The following GALNTL6 variants were observed in gnomAD, a reference collection of about 807,000 sequenced individuals.
GALNTL6 encodes the protein polypeptide N-acetylgalactosaminyltransferase-like 6.
GALNTL6 carries 46 observed loss-of-function variants against 73.7 expected under a neutral mutation model. The observed-to-expected ratio is 0.62, with a 90% confidence interval of 0.49 to 0.80. GALNTL6 has a LOEUF of 0.80. Ranked by LOEUF, GALNTL6 falls within the 30% of genes least tolerant of loss-of-function variation. GALNTL6 has a pLI of 0.00. For synonymous variants in GALNTL6, 259 were observed against 263.7 expected, an observed-to-expected ratio of 0.98 and a Z score of 0.17; for missense variants, 604 against 755.0, an observed-to-expected ratio of 0.80 and a Z score of 2.34.
intron 8 of GALNTL6, among the ~76,000 whole-genome samples, chr4:172,908,323 G>T (rs1434166355): frequency 6.6e-6 from 1 of 152,094 alleles, no homozygotes; most frequent in Non-Finnish European, 1.5e-5. Flanking sequence ...ATGTGTGTTT[G>T]TATAATGGAT....
chr4:172,600,108 C>A (rs1267008509), intron 5 of GALNTL6, among the ~76,000 whole-genome samples: 1 of 151,986 alleles, frequency 6.6e-6, no homozygotes, highest in Admixed American at 6.6e-5. Flanking sequence ...GATTCGGACA[C>A]TCTTTTTTTC....
chr4:172,651,336 A>T (rs1740467728), intron 5 of GALNTL6, among the ~76,000 whole-genome samples: 1 of 152,248 alleles, frequency 6.6e-6, no homozygotes, highest in Non-Finnish European at 1.5e-5. Flanking sequence ...ACTGGTGATT[A>T]GTGCTGTGAA....
rs190894007 is a variant in GALNTL6 at position 172,939,823 on chromosome 4, C to A, written c.1149+8555C>A. 3.8e-3 allele frequency among the ~76,000 whole-genome samples: 582 copies of A among 152,254 alleles called. 2 individuals carry two copies. Among genetic ancestry groups the A allele is most frequent in the African/African-American group, 0.013 (556 of 41,538 alleles). On this transcript the variant is annotated intron_variant, in intron 9 of 12. Coordinates refer to ENST00000506823, the MANE Select transcript of GALNTL6 (RefSeq NM_001034845.3). ...AAAAATAAGGCCAAGGGAAACCATTCTGTCAGCCAAGGACCCACAGAGAAG... is the reference window on the plus strand; with the variant it reads ...AAAAATAAGGCCAAGGGAAACCATTATGTCAGCCAAGGACCCACAGAGAAG...
intron 5 of GALNTL6, among the ~76,000 whole-genome samples, chr4:172,783,272 A>G (rs1739469347): frequency 6.7e-6 from 1 of 150,244 alleles, no homozygotes; most frequent in Non-Finnish European, 1.5e-5. Context: ...TGGAAGCTTT[A>G]CTACTAAGAA....
chr4:171,966,109 C>T (rs1393256968), intron 2 of GALNTL6, among the ~76,000 whole-genome samples: 1 of 152,124 alleles, frequency 6.6e-6, no homozygotes, highest in Non-Finnish European at 1.5e-5. Flanking sequence ...TCATCTTAGA[C>T]ATAAGTTGTC....
intron 9 of GALNTL6, among the ~76,000 whole-genome samples, chr4:172,951,623 G>C (rs1213886040): frequency 6.6e-6 from 1 of 152,242 alleles, no homozygotes; most frequent in Non-Finnish European, 1.5e-5. Context: ...TTCTTTCCAA[G>C]ATTCTTGTTT....
At chr4:172,005,517 A>G (rs946398393) in intron 2 of GALNTL6, among the ~76,000 whole-genome samples, 4 of 152,190 alleles carry the variant, frequency 2.6e-5, no homozygotes, top group Non-Finnish European at 4.4e-5. Flanking sequence ...TGAACTAGTT[A>G]TCATTTACTA....
chr4:172,401,577 TTCTC>T (rs1376376321), intron 5 of GALNTL6, among the ~76,000 whole-genome samples: 1 of 152,090 alleles, frequency 6.6e-6, no homozygotes, highest in Non-Finnish European at 1.5e-5. Flanking sequence ...CATTTATAGT[TTCTC>T]TCTTTTTAAA....
intron 10 of GALNTL6, among the ~76,000 whole-genome samples, chr4:172,981,439 T>C (rs1408786644): frequency 1.3e-5 from 2 of 152,224 alleles, no homozygotes; most frequent in African/African-American, 4.8e-5. Context: ...GTGGTGTTAA[T>C]TTGCATTTCC....
At chr4:172,021,863 C>T (rs1741412917) in intron 2 of GALNTL6, among the ~76,000 whole-genome samples, 1 of 151,956 alleles carries the variant, frequency 6.6e-6, no homozygotes, top group Non-Finnish European at 1.5e-5. Flanking sequence ...ATAAATGGTC[C>T]TAGAAAAACT....
At chr4:172,351,452 G>A (rs926169559) in intron 5 of GALNTL6, among the ~76,000 whole-genome samples, 36 of 151,986 alleles carry the variant, frequency 2.4e-4, no homozygotes, top group Admixed American at 5.9e-4. Context: ...TATATGCATG[G>A]CCTTAGAAGA....
chr4:171,990,461 G>A (rs1179970766), intron 2 of GALNTL6, among the ~76,000 whole-genome samples: 2 of 152,024 alleles, frequency 1.3e-5, no homozygotes, highest in Admixed American at 1.3e-4. Context: ...GGTTTCAGAG[G>A]TGCCTTCTTA....
chr4:171,866,934 T>C (rs1193530657), intron 2 of GALNTL6, among the ~76,000 whole-genome samples: 1 of 152,206 alleles, frequency 6.6e-6, no homozygotes, highest in African/African-American at 2.4e-5. Context: ...ACACATTCAG[T>C]CCATTGTATA....
At chr4:172,843,153 AT>A (rs1025700766) in intron 7 of GALNTL6, among the ~76,000 whole-genome samples, 2 of 152,002 alleles carry the variant, frequency 1.3e-5, no homozygotes, top group African/African-American at 4.8e-5. Context: ...AGGGCACTTC[AT>A]TTTCACTTTA....
intron 5 of GALNTL6, among the ~76,000 whole-genome samples, chr4:172,725,287 T>C (rs1271891486): frequency 6.6e-6 from 1 of 152,220 alleles, no homozygotes; most frequent in African/African-American, 2.4e-5. Flanking sequence ...ATAGTCCTAG[T>C]ACTAAGTATT....
intron 5 of GALNTL6, among the ~76,000 whole-genome samples, chr4:172,699,212 C>T (rs1733881109): frequency 6.6e-6 from 1 of 152,086 alleles, no homozygotes; most frequent in Non-Finnish European, 1.5e-5. Context: ...CTTCCTAATA[C>T]CATCACACTG....
chr4:172,738,530 T>C (rs1736600330), intron 5 of GALNTL6, among the ~76,000 whole-genome samples: 1 of 152,214 alleles, frequency 6.6e-6, no homozygotes, highest in South Asian at 2.1e-4. Context: ...GTATGTGAGA[T>C]AGGGATGTCA....
intron 2 of GALNTL6, among the ~76,000 whole-genome samples, chr4:172,191,411 A>G (rs185164592): frequency 3.3e-4 from 51 of 152,290 alleles, no homozygotes; most frequent in African/African-American, 1.2e-3. Context: ...AATGGTAGCC[A>G]TAGGGATCTA....
chr4:171,848,787 A>T (rs1275195674), intron 2 of GALNTL6, among the ~76,000 whole-genome samples: 12 of 152,188 alleles, frequency 7.9e-5, no homozygotes, highest in Admixed American at 7.8e-4. Context: ...TTAGGCTTTC[A>T]CTTAAGGAAA....
Sources: gnomAD v4.1 joint callset for allele counts (sites outside exome capture counted in the v4.1 genomes callset) on GRCh38, gnomAD v4.1.1 for gene constraint, MANE v1.5 for transcripts, NCBI Gene and HGNC (gene_info 2026-07-23, HGNC 2026-07-21) for gene names.